EXOC6: variants seen among roughly 807,000 people sequenced by gnomAD.
The protein encoded by EXOC6 is SEC15-like 1.
A neutral mutation model predicts 112.5 loss-of-function variants in EXOC6; 60 were observed. The observed-to-expected ratio is 0.53, with a 90% CI of 0.43 to 0.66. The LOEUF (loss-of-function observed/expected upper bound fraction) is 0.66. Ranked by LOEUF, EXOC6 falls within the 30% of genes least tolerant of loss-of-function variation. The pLI, the probability that EXOC6 is intolerant of heterozygous loss-of-function variation, is 0.00. For synonymous variants in EXOC6, 295 were observed against 308.0 expected, an observed-to-expected ratio of 0.96 and a Z score of 0.44; for missense variants, 855 against 957.1, an observed-to-expected ratio of 0.89 and a Z score of 1.41.
At chr10:92,912,654 G>A (rs1360227862) in intron 6 of EXOC6, among the ~76,000 whole-genome samples, 1 of 152,150 alleles carries the variant, frequency 6.6e-6, no homozygotes, top group East Asian at 1.9e-4. Flanking sequence ...CAGAAACACA[G>A]TCTTTCCATA....
intron 1 of EXOC6, among the ~76,000 whole-genome samples, chr10:92,864,225 A>G (rs1848059225): frequency 6.6e-6 from 1 of 152,246 alleles, no homozygotes; most frequent in South Asian, 2.1e-4. Flanking sequence ...TTGTAGGCAG[A>G]GGCATTAACA....
At chr10:92,946,141 A>C (rs1015238771) in intron 13 of EXOC6, among the ~76,000 whole-genome samples, 2 of 151,960 alleles carry the variant, frequency 1.3e-5, no homozygotes, top group South Asian at 2.1e-4. Context: ...AAACAAAAAA[A>C]AAAAATTAGC....
rs538860473 is a variant in EXOC6 at position 92,970,130 on chromosome 10, C to T, written c.1774-3923C>T. Among the ~76,000 whole-genome samples, 14 of 152,262 alleles carry T rather than the reference C, an allele frequency of 9.2e-5. No individual in the cohort carries two copies. In the South Asian group the frequency reaches 1.5e-3, roughly 16 times the overall value. Reference sequence around the variant, plus strand: ...CTTACTATGTGCCAAGCACTGTTCTCGGTGCTAGGGATATATCAGTGAATG... The same window carrying T: ...CTTACTATGTGCCAAGCACTGTTCTTGGTGCTAGGGATATATCAGTGAATG... On this transcript the variant is annotated intron_variant, in intron 17 of 21. Coordinates refer to ENST00000260762, the MANE Select transcript of EXOC6 (RefSeq NM_019053.6).
At chr10:92,944,586 G>A (rs183673455) in intron 13 of EXOC6, among the ~76,000 whole-genome samples, 7 of 152,104 alleles carry the variant, frequency 4.6e-5, no homozygotes, top group Non-Finnish European at 7.4e-5. Context: ...GAGATTGCTG[G>A]GATCATATAG....
At chr10:92,864,156 C>T (rs1295271857) in intron 1 of EXOC6, among the ~76,000 whole-genome samples, 1 of 152,046 alleles carries the variant, frequency 6.6e-6, no homozygotes, top group Non-Finnish European at 1.5e-5. Context: ...ATTATTCTGG[C>T]AAACAGACTC....
At chr10:92,897,825 T>G (rs1849911614) in intron 4 of EXOC6, among the ~76,000 whole-genome samples, 1 of 152,164 alleles carries the variant, frequency 6.6e-6, no homozygotes, top group Non-Finnish European at 1.5e-5. Flanking sequence ...CACTTCTGAG[T>G]TGTCCTGCCT....
chr10:92,851,341 A>G (rs1341735563), intron 1 of EXOC6, among the ~76,000 whole-genome samples: 1 of 152,128 alleles, frequency 6.6e-6, no homozygotes, highest in East Asian at 1.9e-4. Flanking sequence ...AGAAAAGGAG[A>G]CGATACAAAT....
chr10:93,016,424 A>C (rs1336264495), intron 20 of EXOC6, among the ~76,000 whole-genome samples: 23 of 152,158 alleles, frequency 1.5e-4, no homozygotes, highest in Non-Finnish European at 2.9e-5. Context: ...TACAGGTATA[A>C]GCCACAGCGC....
chr10:92,929,162 C>CATT (rs1851884312), intron 9 of EXOC6, among the ~76,000 whole-genome samples: 2 of 152,156 alleles, frequency 1.3e-5, no homozygotes, highest in African/African-American at 4.8e-5. Context: ...TTTAAAGCCC[C>CATT]ATTATTAGGA....
chr10:93,046,678 A>G (rs1590105765), intron 20 of EXOC6, among the ~76,000 whole-genome samples: 1 of 151,362 alleles, frequency 6.6e-6, no homozygotes, highest in South Asian at 2.1e-4. Context: ...GCTCACTGCA[A>G]CCTCTGCCTC....
At chr10:92,944,834 G>A (rs1852884209) in intron 13 of EXOC6, among the ~76,000 whole-genome samples, 1 of 150,128 alleles carries the variant, frequency 6.7e-6, no homozygotes, top group Admixed American at 6.7e-5. Context: ...GTGCAATGGT[G>A]CAATCTCAGC....
intron 13 of EXOC6, among the ~76,000 whole-genome samples, chr10:92,944,811 C>T (rs1056523876): frequency 2.0e-4 from 30 of 147,450 alleles, no homozygotes; most frequent in African/African-American, 5.0e-4. Flanking sequence ...TCGCTCTTGT[C>T]GCTCAGGCTG....
At chr10:92,845,104 G>A (rs986151472), upstream of EXOC6, among the ~76,000 whole-genome samples, 26 of 152,120 alleles carry the variant, frequency 1.7e-4, no homozygotes, top group African/African-American at 5.8e-4. Flanking sequence ...TGGTCTTCCT[G>A]GTGTATCTTT....
rs763802976 is a variant in EXOC6, at chr10:92,909,476, C to T, written c.508C>T (p.Pro170Ser). Residue 170 changes from proline to serine, a missense_variant, in exon 6 of 22, where the codon CCC (proline) becomes TCC (serine). This residue lies in a region of EXOC6 where 405 missense variants were observed against 393.6 expected (regional missense o/e 1.03). Coordinates refer to ENST00000260762, the MANE Select transcript of EXOC6 (RefSeq NM_019053.6). ...TMEQLENVYFPWVSQYRFCQL... is the reference protein window; with the variant it reads ...TMEQLENVYFSWVSQYRFCQL... ...GGAACAATTAGAGAATGTGTACTTT[C>T]CCTGGGTTAGTCAATACCGGTTTTG... is the stretch of plus-strand genomic sequence containing the variant. The T allele has an allele frequency of 6.2e-7, 1 of 1,613,368 alleles. No homozygotes were observed. The highest frequency in any genetic ancestry group is 1.3e-5 in the African/African-American group (1 of 74,874).
At chr10:92,881,110 A>G (rs1312903199) in intron 1 of EXOC6, among the ~76,000 whole-genome samples, 4 of 152,162 alleles carry the variant, frequency 2.6e-5, no homozygotes, top group Admixed American at 1.3e-4. Context: ...GACAGCCAAG[A>G]TGGCTCGCCC....
intron 1 of EXOC6, among the ~76,000 whole-genome samples, chr10:92,853,626 A>T (rs1482406626): frequency 6.6e-6 from 1 of 152,242 alleles, no homozygotes; most frequent in Non-Finnish European, 1.5e-5. Flanking sequence ...TGAAAAGGCA[A>T]TTCAGTAGAA....
At position 92,992,066 on chromosome 10, in the gene EXOC6, G is replaced by A. The variant is rs748364159; in HGVS notation, c.1954-5408G>A. Among the ~76,000 whole-genome samples the A allele has an allele frequency of 5.9e-4, 90 of 151,972 alleles. 1 individual carries two copies. The highest frequency in any genetic ancestry group is 2.0e-3 in the African/African-American group (83 of 41,482). ...TCAAAAATTTGTCTTCAGGTGGGCC[G>A]ATCCCCTGGGGTCAGGAGTTCAAGA... On this transcript the variant is annotated intron_variant, in intron 18 of 21. Coordinates refer to ENST00000260762, the MANE Select transcript of EXOC6 (RefSeq NM_019053.6).
chr10:92,831,869 G>A (rs567612108), upstream of EXOC6, among the ~76,000 whole-genome samples: 12 of 152,038 alleles, frequency 7.9e-5, no homozygotes, highest in African/African-American at 2.7e-4. Flanking sequence ...TCAGATGAAG[G>A]GTATATTTTT....
At chr10:92,846,838 A>G (rs1847070376), upstream of EXOC6, among the ~76,000 whole-genome samples, 1 of 152,228 alleles carries the variant, frequency 6.6e-6, no homozygotes, top group South Asian at 2.1e-4. Flanking sequence ...GGACCCTGAG[A>G]TGGAAGATTA....
Sources: allele counts gnomAD v4.1 joint callset (sites outside exome capture counted in the v4.1 genomes callset), GRCh38; gene constraint gnomAD v4.1.1; regional missense constraint gnomAD v4.1.1; transcripts MANE v1.5; gene names NCBI Gene and HGNC (gene_info 2026-07-23, HGNC 2026-07-21).